The following IQCM variants were observed in gnomAD, a reference collection of about 807,000 sequenced individuals.
IQCM encodes the protein IQ motif containing M, also known as IQ domain-containing protein M.
IQCM carries 45 observed loss-of-function variants against 57.6 expected under a neutral mutation model. The observed-to-expected ratio is 0.78, with a 90% confidence interval of 0.62 to 1.00. The LOEUF (loss-of-function observed/expected upper bound fraction) is 1.00. Among genes scored for constraint, IQCM ranks in the 50% least tolerant of loss-of-function variants. The pLI is 0.00. For missense variants in IQCM, 468 were observed against 511.6 expected (o/e 0.91, Z 0.82); for synonymous variants, 148 against 158.9 (o/e 0.93, Z 0.51).
chr4:149,356,761 G>GT (rs1239182106), intron 13 of IQCM, among the ~76,000 whole-genome samples: 1 of 151,296 alleles, frequency 6.6e-6, no homozygotes, highest in Non-Finnish European at 1.5e-5. Context: ...CTTTAAAGTA[G>GT]TTTTTTCCAA....
At chr4:149,733,793 A>C (rs1182564903) in intron 4 of IQCM, among the ~76,000 whole-genome samples, 1 of 152,166 alleles carries the variant, frequency 6.6e-6, no homozygotes, top group Non-Finnish European at 1.5e-5. Context: ...CTTTCTCCCC[A>C]AAGTGATATT....
In IQCM at chr4:149,714,632, C is replaced by T. The variant is rs144364507; in HGVS notation, c.385+18612G>A. Among the ~76,000 whole-genome samples the T allele has an allele frequency of 3.2e-3, 485 of 152,248 alleles. 3 individuals carry two copies. The highest frequency in any genetic ancestry group is 0.011 in the African/African-American group (441 of 41,530). ...CCATGTTTGTTCCTATACATACATA[C>T]ATACCTATGATAAAATTTATTTACA... On this transcript the variant is annotated intron_variant, in intron 5 of 13. Coordinates refer to ENST00000636793, the MANE Select transcript of IQCM (RefSeq NM_001363507.2).
chr4:149,403,179 A>G (rs1480955907), intron 13 of IQCM, among the ~76,000 whole-genome samples: 1 of 151,982 alleles, frequency 6.6e-6, no homozygotes, highest in Non-Finnish European at 1.5e-5. Flanking sequence ...TCTCCTTAAG[A>G]GAGATATTTA....
chr4:149,573,126 G>A (rs1349940372), intron 9 of IQCM, among the ~76,000 whole-genome samples: 1 of 151,618 alleles, frequency 6.6e-6, no homozygotes, highest in Non-Finnish European at 1.5e-5. Flanking sequence ...TGTTGTTTTA[G>A]AAGATTATGT....
chr4:149,691,286 C>T (rs1762922260), intron 5 of IQCM, among the ~76,000 whole-genome samples: 1 of 152,104 alleles, frequency 6.6e-6, no homozygotes, highest in African/African-American at 2.4e-5. Context: ...AGATGATATT[C>T]AAACCCAGGC....
At chr4:149,596,450 T>G (rs1380311521) in intron 8 of IQCM, among the ~76,000 whole-genome samples, 3 of 151,998 alleles carry the variant, frequency 2.0e-5, no homozygotes, top group Non-Finnish European at 4.4e-5. Flanking sequence ...CAGCTTAGAG[T>G]CTAGGTTTTA....
At chr4:149,617,582 A>C (rs1755909237) in intron 8 of IQCM, among the ~76,000 whole-genome samples, 1 of 152,132 alleles carries the variant, frequency 6.6e-6, no homozygotes, top group South Asian at 2.1e-4. Context: ...ACTCCAGTAC[A>C]CCCCAAACTT....
chr4:149,764,710 C>T (rs1394359482), intron 2 of IQCM, among the ~76,000 whole-genome samples: 1 of 152,102 alleles, frequency 6.6e-6, no homozygotes, highest in Non-Finnish European at 1.5e-5. Context: ...TTCTACAACT[C>T]TCTAGTGCAG....
intron 7 of IQCM, among the ~76,000 whole-genome samples, chr4:149,674,386 A>C (rs999532342): frequency 6.6e-6 from 1 of 152,182 alleles, no homozygotes; most frequent in Admixed American, 6.6e-5. Context: ...TGAACAAATC[A>C]GTCAATGCTA....
chr4:149,600,734 C>G lies in IQCM; in HGVS notation c.682-12737G>C, dbSNP rs1754198643. ...TGGAGAATTATCTAAAAGAATGATTCTCAAACTTCAATGTGCTTATAAATC... is the reference window on the plus strand; with the variant it reads ...TGGAGAATTATCTAAAAGAATGATTGTCAAACTTCAATGTGCTTATAAATC... On this transcript the variant is annotated intron_variant, in intron 8 of 13. Coordinates refer to ENST00000636793, the MANE Select transcript of IQCM (RefSeq NM_001363507.2). Among the ~76,000 whole-genome samples the G allele has an allele frequency of 2.6e-5, 4 of 152,134 alleles. 1 individual carries two copies. The highest frequency in any genetic ancestry group is 4.1e-4 in the South Asian group (2 of 4,828).
At chr4:149,562,554 T>A (rs531175464) in intron 10 of IQCM, among the ~76,000 whole-genome samples, 4 of 152,332 alleles carry the variant, frequency 2.6e-5, no homozygotes, top group African/African-American at 9.6e-5. Context: ...GATCTGTCAA[T>A]GTCTTAGACA....
At chr4:149,633,882 A>G (rs1396828936) in intron 7 of IQCM, among the ~76,000 whole-genome samples, 1 of 151,998 alleles carries the variant, frequency 6.6e-6, no homozygotes, top group African/African-American at 2.4e-5. Context: ...TTTTCTTTCC[A>G]CTCATGATGG....
chr4:149,531,217 G>A (rs1024157550), intron 12 of IQCM, among the ~76,000 whole-genome samples: 14 of 151,984 alleles, frequency 9.2e-5, no homozygotes, highest in South Asian at 2.1e-4. Context: ...TGTTATATGC[G>A]TAAACTCATC....
chr4:149,633,261 T>C (rs916159389), intron 7 of IQCM, among the ~76,000 whole-genome samples: 1 of 152,078 alleles, frequency 6.6e-6, no homozygotes, highest in Non-Finnish European at 1.5e-5. Context: ...TTTCTATTAT[T>C]GTGATCAATG....
chr4:149,577,931 T>A (rs1439782987), intron 9 of IQCM, among the ~76,000 whole-genome samples: 1 of 151,828 alleles, frequency 6.6e-6, no homozygotes, highest in Non-Finnish European at 1.5e-5. Context: ...ATTGTAGAGA[T>A]CTTTCACCTC....
At chr4:149,773,361 A>G (rs867220141) in intron 2 of IQCM, among the ~76,000 whole-genome samples, 7 of 152,166 alleles carry the variant, frequency 4.6e-5, no homozygotes, top group African/African-American at 9.6e-5. Flanking sequence ...CAAAAAAAAA[A>G]AAAGAAAGAA....
chr4:149,373,212 T>C (rs1224708605), intron 13 of IQCM, among the ~76,000 whole-genome samples: 1 of 152,176 alleles, frequency 6.6e-6, no homozygotes, highest in African/African-American at 2.4e-5. Context: ...TACCCTTACA[T>C]GACACCTACA....
chr4:149,626,575 C>A (rs952113637), intron 7 of IQCM, among the ~76,000 whole-genome samples: 1 of 151,820 alleles, frequency 6.6e-6, no homozygotes, highest in African/African-American at 2.4e-5. Context: ...TGTTGCATAA[C>A]ATCTTTCTGA....
At chr4:149,491,436 G>C (rs927444881) in intron 12 of IQCM, among the ~76,000 whole-genome samples, 1 of 151,844 alleles carries the variant, frequency 6.6e-6, no homozygotes, top group Non-Finnish European at 1.5e-5. Flanking sequence ...CTCAGCCCCT[G>C]GTAAACCATC....
Sources: gnomAD v4.1 joint callset for allele counts (sites outside exome capture counted in the v4.1 genomes callset) on GRCh38, gnomAD v4.1.1 for gene constraint, MANE v1.5 for transcripts, NCBI Gene and HGNC (gene_info 2026-07-23, HGNC 2026-07-21) for gene names.